The following RPL26L1 variants were observed in gnomAD, a reference collection of about 807,000 sequenced individuals.
RPL26L1 encodes the protein ribosomal protein uL24-like.
In RPL26L1, 8 loss-of-function variants were observed where a neutral mutation model predicts 15.2. The observed-to-expected ratio is 0.53, with a 90% confidence interval of 0.31 to 0.95. RPL26L1 has a LOEUF of 0.95. RPL26L1 is among the 40% of genes least tolerant of loss of function. The probability of loss-of-function intolerance (pLI) is 0.05; values close to 1 mark genes in which losing one functional copy is unlikely to be tolerated. For synonymous variants in RPL26L1, 51 were observed against 65.9 expected, an observed-to-expected ratio of 0.77 and a Z score of 1.09; for missense variants, 146 against 190.9, an observed-to-expected ratio of 0.76 and a Z score of 1.39.
intron 2 of RPL26L1, among the ~76,000 whole-genome samples, chr5:172,968,006 CTT>C (rs1455089127): frequency 6.6e-6 from 1 of 151,898 alleles, no homozygotes; most frequent in Non-Finnish European, 1.5e-5. Flanking sequence ...AAATCTGAGA[CTT>C]TGTCAACGTG....
upstream of RPL26L1, chr5:172,958,955 G>T (rs1755101037): frequency 6.5e-6 from 1 of 153,484 alleles, no homozygotes; most frequent in Admixed American, 6.4e-5. Context: ...GGGCGCGGCG[G>T]CTCACGCCTG....
At chr5:172,965,423 A>T (rs993942442) in intron 2 of RPL26L1, among the ~76,000 whole-genome samples, 1 of 152,076 alleles carries the variant, frequency 6.6e-6, no homozygotes, top group Admixed American at 6.6e-5. Flanking sequence ...CCCCTCAAAC[A>T]TCTATCCCCT....
At chr5:172,968,894 A>G (rs1467841641) in intron 3 of RPL26L1, among the ~76,000 whole-genome samples, 1 of 120,944 alleles carries the variant, frequency 8.3e-6, no homozygotes, top group Non-Finnish European at 1.6e-5. Context: ...TGCAACCTCC[A>G]CCTCCTGGGT....
upstream of RPL26L1, chr5:172,958,438 A>G (rs1755067446): frequency 1.1e-5 from 5 of 456,144 alleles, no homozygotes; most frequent in Non-Finnish European, 4.4e-6. Flanking sequence ...GGCATTTGGC[A>G]CTAAGTTGTC....
At chr5:172,960,471 A>G (rs1326088803) in intron 2 of RPL26L1, among the ~76,000 whole-genome samples, 2 of 152,178 alleles carry the variant, frequency 1.3e-5, no homozygotes, top group Non-Finnish European at 2.9e-5. Flanking sequence ...GTTGTTGCCC[A>G]GGGTGGCTTG....
chr5:172,957,779 T>A (rs1755025515), upstream of RPL26L1: 1 of 166,158 alleles, frequency 6.0e-6, no homozygotes, highest in African/African-American at 2.4e-5. Context: ...AATGACTTCC[T>A]TTCTTAGGAC....
intron 2 of RPL26L1, among the ~76,000 whole-genome samples, chr5:172,964,531 C>T (rs1221497398): frequency 6.6e-6 from 1 of 152,060 alleles, no homozygotes; most frequent in African/African-American, 2.4e-5. Flanking sequence ...GGTGATCCAC[C>T]CGCCTCAGCC....
chr5:172,959,774 T>G, intron 1 of RPL26L1, 91 bp from the exon 2 acceptor site: 3 of 1,400,944 alleles, frequency 2.1e-6, no homozygotes, highest in Non-Finnish European at 3.0e-6. Flanking sequence ...TGTAGAGCCT[T>G]TGTTGGGGGA....
intron 2 of RPL26L1, among the ~76,000 whole-genome samples, 195 bp downstream of exon 2, chr5:172,960,236 A>G (rs111684027): frequency 2.8e-4 from 42 of 152,194 alleles, no homozygotes; most frequent in Admixed American, 1.8e-3. Context: ...TTTAATAGTA[A>G]TAGTAAAATT....
chr5:172,958,319 C>T (rs1755055002), upstream of RPL26L1: 2 of 449,832 alleles, frequency 4.4e-6, no homozygotes, highest in Admixed American at 4.8e-5. Flanking sequence ...TTAACAATGT[C>T]ACCACTACAT....
chr5:172,963,884 A>G (rs915458861), intron 2 of RPL26L1, among the ~76,000 whole-genome samples: 5 of 152,126 alleles, frequency 3.3e-5, no homozygotes, highest in Non-Finnish European at 7.3e-5. Context: ...GTGGTCATGT[A>G]TTTGTCTATG....
intron 2 of RPL26L1, among the ~76,000 whole-genome samples, chr5:172,962,046 C>T (rs35854734): frequency 7.2e-5 from 11 of 152,204 alleles, no homozygotes; most frequent in East Asian, 1.9e-4. Flanking sequence ...TCTTTAACAA[C>T]GCTCCTTAAC....
chr5:172,956,951 A>G (rs1273107827), upstream of RPL26L1: 1 of 263,858 alleles, frequency 3.8e-6, no homozygotes, highest in East Asian at 1.1e-4. Context: ...AAAAAAAAAA[A>G]ATCCTGACAC....
chr5:172,958,284 ATCTAGTATTAGT>A, upstream of RPL26L1: 1 of 405,194 alleles, frequency 2.5e-6, no homozygotes, highest in Non-Finnish European at 4.9e-6. Context: ...AAAAAAAAAA[ATCTAGTATTAGT>A]AAACGCAGGT....
intron 2 of RPL26L1, among the ~76,000 whole-genome samples, chr5:172,963,371 C>T (rs1468318657): frequency 1.3e-5 from 1 of 77,910 alleles, no homozygotes; most frequent in African/African-American, 2.8e-5. Flanking sequence ...AAAACTCGGT[C>T]TCAAAAAAAA....
upstream of RPL26L1, chr5:172,956,054 T>G (rs1230976884): frequency 2.0e-5 from 3 of 152,200 alleles, no homozygotes; most frequent in Non-Finnish European, 4.4e-5. Flanking sequence ...AAATTAAACA[T>G]TCGCAGGGAC....
intron 2 of RPL26L1, among the ~76,000 whole-genome samples, chr5:172,968,243 C>T (rs1341469900): frequency 2.6e-5 from 4 of 152,096 alleles, no homozygotes; most frequent in African/African-American, 4.8e-5. Flanking sequence ...CTCTAAAGCT[C>T]ATATCGCACA....
upstream of RPL26L1, chr5:172,958,055 G>C: frequency 8.1e-6 from 2 of 247,618 alleles, no homozygotes; most frequent in Non-Finnish European, 1.7e-5. Flanking sequence ...ACCTGAGGTC[G>C]GGAGTTCAAG....
At position 172,964,474 on chromosome 5, in the gene RPL26L1, C is replaced by T. The variant is rs556156121; in HGVS notation, c.169-3985C>T. 1.1e-3 allele frequency among the ~76,000 whole-genome samples: 161 copies of T among 151,448 alleles called. 1 individual carries two copies. Among genetic ancestry groups the T allele is most frequent in the African/African-American group, 3.6e-3 (150 of 41,294 alleles). ...CTAATTTTCATATTTTTAATAGAGACGGGGTTTTACCATGTTGGTCAGTCT... is the reference window on the plus strand; with the variant it reads ...CTAATTTTCATATTTTTAATAGAGATGGGGTTTTACCATGTTGGTCAGTCT... On this transcript the variant is annotated intron_variant, in intron 2 of 3. Transcript: ENST00000265100.
Sources: allele counts gnomAD v4.1 joint callset (sites outside exome capture counted in the v4.1 genomes callset), GRCh38; gene constraint gnomAD v4.1.1; transcripts MANE v1.5; gene names NCBI Gene and HGNC (gene_info 2026-07-23, HGNC 2026-07-21).